Variants in CHLSN observed in about 807,000 individuals in gnomAD.
CHLSN encodes the protein cholesin, also known as protein cholesin.
the CHLSN span, among the ~76,000 whole-genome samples, chr7:998,627 T>C: frequency 6.6e-6 from 1 of 152,148 alleles, no homozygotes; most frequent in African/African-American, 2.4e-5. Context: ...GTATTTTTAG[T>C]AGAGACGGGG....
the CHLSN span, chr7:997,681 G>T: frequency 1.2e-6 from 2 of 1,610,894 alleles, no homozygotes; most frequent in East Asian, 2.2e-5. Context: ...GGCAGGGGGG[G>T]ATCAGAGCCC....
At chr7:1,131,733 AAAGTT>A in the CHLSN span, among the ~76,000 whole-genome samples, 8 of 152,224 alleles carry the variant, frequency 5.3e-5, no homozygotes, top group Non-Finnish European at 1.0e-4. Context: ...CATTACTATA[AAAGTT>A]AAGTAAAATC....
At chr7:1,055,636 T>G in the CHLSN span, among the ~76,000 whole-genome samples, 67 of 151,900 alleles carry the variant, frequency 4.4e-4, no homozygotes, top group African/African-American at 1.5e-3. Context: ...CATCTCTAAG[T>G]AGGGAATGAA....
chr7:1,070,639 G>GT, the CHLSN span, among the ~76,000 whole-genome samples: 1 of 139,544 alleles, frequency 7.2e-6, no homozygotes, highest in African/African-American at 2.7e-5. Flanking sequence ...ACACGCACAC[G>GT]GACACACATG....
At chr7:988,788 G>A in the CHLSN span, 1 of 1,595,154 alleles carries the variant, frequency 6.3e-7, no homozygotes, top group Non-Finnish European at 8.5e-7. Context: ...ATGAGGCCGA[G>A]GGCCCAGGCC....
chr7:1,070,864 G>A, the CHLSN span, among the ~76,000 whole-genome samples: 6 of 126,306 alleles, frequency 4.8e-5, no homozygotes, highest in Non-Finnish European at 8.2e-5. Flanking sequence ...ACATGCACAC[G>A]GGTGCGCACA....
At chr7:1,116,233 G>A in the CHLSN span, among the ~76,000 whole-genome samples, 11 of 139,194 alleles carry the variant, frequency 7.9e-5, no homozygotes, top group South Asian at 2.3e-4. Flanking sequence ...CAACGCCCAC[G>A]CAGGATGACT....
the CHLSN span, chr7:1,093,685 T>G: frequency 2.3e-5 from 11 of 469,526 alleles, no homozygotes; most frequent in Admixed American, 1.6e-4. Flanking sequence ...CTGACGAATT[T>G]GTTTCTACAG....
At chr7:1,081,463 C>T in the CHLSN span, among the ~76,000 whole-genome samples, 5 of 152,250 alleles carry the variant, frequency 3.3e-5, no homozygotes, top group Admixed American at 1.3e-4. Context: ...ACAAACACGG[C>T]GGGCTCGAGC....
the CHLSN span, among the ~76,000 whole-genome samples, chr7:1,100,758 G>C: frequency 6.6e-6 from 1 of 152,014 alleles, no homozygotes; most frequent in Non-Finnish European, 1.5e-5. Flanking sequence ...CTCCACAGGG[G>C]CTTCTTGTGG....
chr7:1,053,643 C>T, the CHLSN span, among the ~76,000 whole-genome samples: 3 of 152,196 alleles, frequency 2.0e-5, no homozygotes, highest in Non-Finnish European at 4.4e-5. Context: ...GCCTGGCCAA[C>T]ATGGAGAAAC....
chr7:1,053,477 C>T, the CHLSN span, among the ~76,000 whole-genome samples: 133 of 152,328 alleles, frequency 8.7e-4, no homozygotes, highest in African/African-American at 3.1e-3. Context: ...TCACATGACT[C>T]GCCAGGCCCT....
the CHLSN span, among the ~76,000 whole-genome samples, chr7:1,071,726 C>T: frequency 1.3e-5 from 2 of 152,300 alleles, no homozygotes; most frequent in African/African-American, 2.4e-5. Flanking sequence ...CTATGATGCA[C>T]GCCCACCTCA....
At chr7:1,126,691 T>C in the CHLSN span, among the ~76,000 whole-genome samples, 2 of 152,088 alleles carry the variant, frequency 1.3e-5, no homozygotes, top group Non-Finnish European at 2.9e-5. Context: ...AAACGAAGAA[T>C]AAAAATGCAT....
the CHLSN span, among the ~76,000 whole-genome samples, chr7:1,061,740 C>A: frequency 7.2e-5 from 11 of 152,250 alleles, no homozygotes; most frequent in African/African-American, 2.6e-4. Context: ...AGTCATCTGC[C>A]CAACTCCCCA....
the CHLSN span, among the ~76,000 whole-genome samples, chr7:1,029,770 C>T: frequency 1.3e-5 from 2 of 152,228 alleles, no homozygotes; most frequent in Non-Finnish European, 2.9e-5. Context: ...CCCAGTCCCC[C>T]GCTGAATAAG....
the CHLSN span, among the ~76,000 whole-genome samples, chr7:1,041,376 AGGGGAACGGGACCTGGGGTCCGCGCTGC>A: frequency 0.13 from 9,531 of 75,628 alleles, 1,700 homozygotes; most frequent in Non-Finnish European, 0.15. Flanking sequence ...TCCGCGCTGC[AGGGGAACGGGACCTGGGGTCCGCGCTGC>A]GGGGAACGGG....
the CHLSN span, chr7:1,093,707 G>A: frequency 2.1e-6 from 1 of 468,200 alleles, no homozygotes; most frequent in Non-Finnish European, 4.5e-6. Flanking sequence ...AATAACAGCT[G>A]GGGACAACTG....
At chr7:1,045,177 G>C in the CHLSN span, among the ~76,000 whole-genome samples, 1 of 152,224 alleles carries the variant, frequency 6.6e-6, no homozygotes, top group Non-Finnish European at 1.5e-5. Context: ...ACTACCAGCA[G>C]CAGAAAACCC....
Sources: gnomAD v4.1 joint callset for allele counts (sites outside exome capture counted in the v4.1 genomes callset) on GRCh38, gnomAD v4.1.1 for gene constraint, MANE v1.5 for transcripts, NCBI Gene and HGNC (gene_info 2026-07-23, HGNC 2026-07-21) for gene names.